The following ATG13 variants were observed in gnomAD, a reference collection of about 807,000 sequenced individuals.
ATG13 encodes autophagy related 13, also known as autophagy-related protein 13.
Under a neutral mutation model 65.5 loss-of-function variants are expected in ATG13, and 23 were observed. The ratio of observed to expected loss-of-function variants is 0.35; its 90% confidence interval spans 0.25 to 0.50. ATG13 has a LOEUF of 0.50. Among genes scored for constraint, ATG13 ranks in the 20% least tolerant of loss-of-function variants. The pLI is 0.98. For missense variants in ATG13, 566 were observed against 677.0 expected, an observed-to-expected ratio of 0.84 and a Z score of 1.82; for synonymous variants, 252 against 245.2, an observed-to-expected ratio of 1.03 and a Z score of -0.26.
intron 7 of ATG13, among the ~76,000 whole-genome samples, chr11:46,655,573 C>CAAACA (rs922849402): frequency 1.2e-4 from 19 of 152,274 alleles, no homozygotes; most frequent in Non-Finnish European, 1.5e-4. Flanking sequence ...GACTCCGTCT[C>CAAACA]AAACAAAACA....
chr11:46,664,403 CA>C (rs1021903481), intron 12 of ATG13, among the ~76,000 whole-genome samples: 3 of 152,118 alleles, frequency 2.0e-5, no homozygotes, highest in Non-Finnish European at 4.4e-5. Flanking sequence ...TTCCCATACC[CA>C]GGGGTGATGG....
At chr11:46,649,291 C>T (rs1411473417) in intron 6 of ATG13, 108 bp downstream of exon 6, 8 of 1,281,252 alleles carry the variant, frequency 6.2e-6, no homozygotes, top group African/African-American at 3.0e-5. Context: ...GCATTCTGAC[C>T]ACTTAACAAA....
intron 7 of ATG13, among the ~76,000 whole-genome samples, 185 bp downstream of exon 7, chr11:46,650,502 A>G (rs2058671393): frequency 6.6e-6 from 1 of 152,210 alleles, no homozygotes; most frequent in South Asian, 2.1e-4. Context: ...CAAAGCCACC[A>G]GGTTTATTAT....
rs937297521 is a variant in ATG13, at chr11:46,627,573, C to T, written c.-69-2472C>T. Among the ~76,000 whole-genome samples the T allele has an allele frequency of 2.6e-5, 4 of 151,822 alleles. No individual in the cohort carries two copies. The East Asian group carries it at 5.9e-4, about 22-fold the overall frequency. On this transcript the variant is annotated intron_variant, in intron 1 of 18. Coordinates refer to ENST00000683050, the MANE Select transcript of ATG13 (RefSeq NM_001346311.2). ...GCGACCTTCGCCTCCTGGGTTCAAGCGATTCTCCTGCCTCAGCCTCCCAAG... is the reference window on the plus strand; with the variant it reads ...GCGACCTTCGCCTCCTGGGTTCAAGTGATTCTCCTGCCTCAGCCTCCCAAG...
chr11:46,659,247 G>T, intron 10 of ATG13, 145 bp from the exon 11 acceptor site: 1 of 597,412 alleles, frequency 1.7e-6, no homozygotes. Context: ...AAATTATTGA[G>T]GACTCCACAT....
intron 7 of ATG13, among the ~76,000 whole-genome samples, chr11:46,654,853 C>G (rs2059692733): frequency 6.6e-6 from 1 of 152,096 alleles, no homozygotes; most frequent in Admixed American, 6.5e-5. Flanking sequence ...AATCCCAGCA[C>G]TTTGGGAGGC....
rs1290700570 is a variant in ATG13, at chr11:46,665,475, C to T, written c.1092C>T (p.Cys364=). Residue 364 remains cysteine, a synonymous_variant, in exon 14 of 19, where the codon TGC becomes TGT. Coordinates refer to ENST00000683050, the MANE Select transcript of ATG13 (RefSeq NM_001346311.2). ...TQADQERLAT[C]TPSDRTHCAA... is the part of the protein sequence containing the mutation. ...CTGACCAGGAGAGACTGGCAACCTG[C>T]ACCCCTTCTGACAGAACCCACTGTG... 6.2e-7 allele frequency: 1 copy of T among 1,614,128 alleles called. No individual in the cohort carries two copies. Among genetic ancestry groups the T allele is most frequent in the African/African-American group, 1.3e-5 (1 of 74,944 alleles).
chr11:46,640,848 A>G (rs185202835), intron 2 of ATG13, among the ~76,000 whole-genome samples: 1 of 152,328 alleles, frequency 6.6e-6, no homozygotes, highest in East Asian at 1.9e-4. Flanking sequence ...GATTTATAGC[A>G]ACTGGAGCAC....
At chr11:46,643,363 A>G (rs2056668364) in intron 2 of ATG13, among the ~76,000 whole-genome samples, 1 of 152,156 alleles carries the variant, frequency 6.6e-6, no homozygotes, top group Non-Finnish European at 1.5e-5. Context: ...TCCCCCAGCT[A>G]TGGCCATCTT....
At chr11:46,656,057 G>A (rs555688513) in intron 7 of ATG13, among the ~76,000 whole-genome samples, 176 bp from the exon 8 acceptor site, 9 of 152,224 alleles carry the variant, frequency 5.9e-5, no homozygotes, top group African/African-American at 1.7e-4. Flanking sequence ...CACTCTGTAC[G>A]TCTCCATGCC....
intron 1 of ATG13, among the ~76,000 whole-genome samples, chr11:46,619,590 G>A (rs2046681477): frequency 2.0e-5 from 3 of 151,616 alleles, no homozygotes; most frequent in Admixed American, 1.3e-4. Context: ...CTCCATGTTA[G>A]TTAGGCTGTT....
At chr11:46,633,700 A>G (rs1212158301) in intron 2 of ATG13, among the ~76,000 whole-genome samples, 2 of 151,862 alleles carry the variant, frequency 1.3e-5, no homozygotes, top group South Asian at 2.1e-4. Context: ...AGTCCCAGCT[A>G]CTCGAGAGGC....
At chr11:46,620,396 G>A (rs549430426) in intron 1 of ATG13, among the ~76,000 whole-genome samples, 2 of 151,772 alleles carry the variant, frequency 1.3e-5, no homozygotes, top group Non-Finnish European at 2.9e-5. Flanking sequence ...CGCCAGGCCT[G>A]GCAATCTCTC....
At chr11:46,657,350 G>A in intron 9 of ATG13, 159 bp downstream of exon 9, 1 of 918,162 alleles carries the variant, frequency 1.1e-6, no homozygotes, top group Non-Finnish European at 1.7e-6. Context: ...GAATTTGAGT[G>A]TCCCAGAGCC....
intron 11 of ATG13, among the ~76,000 whole-genome samples, chr11:46,660,650 C>T (rs1460617295): frequency 9.3e-5 from 14 of 151,218 alleles, no homozygotes; most frequent in Admixed American, 2.0e-4. Context: ...CCTCATGATC[C>T]GCCCGCCTCG....
chr11:46,672,853 C>A lies in ATG13; in HGVS notation c.*521C>A. On this transcript the variant is annotated 3_prime_UTR_variant, in exon 19 of 19. Coordinates refer to ENST00000683050, the MANE Select transcript of ATG13 (RefSeq NM_001346311.2). Reference sequence around the variant, plus strand: ...TGTCCCCTTTACTTCCTGCTATCTTCTTCTCCTCTTCTTCTCTCTCTTGCC... The same window carrying A: ...TGTCCCCTTTACTTCCTGCTATCTTATTCTCCTCTTCTTCTCTCTCTTGCC... 1 of 1,163,148 alleles carries A rather than the reference C, an allele frequency of 8.6e-7. No individual in the cohort carries two copies. The highest frequency in any genetic ancestry group is 1.1e-6 in the Non-Finnish European group (1 of 903,128). The allele number at this position is 1,163,148 out of a possible 1,614,324, so 72.1% of individuals were successfully genotyped here. A position where few individuals can be genotyped will look rare whatever the true frequency, so the allele number is the denominator to read the frequency against.
At chr11:46,636,892 C>G (rs1000029630) in intron 2 of ATG13, among the ~76,000 whole-genome samples, 2 of 152,058 alleles carry the variant, frequency 1.3e-5, no homozygotes, top group African/African-American at 4.8e-5. Flanking sequence ...CACGCCTCAG[C>G]TAATTTTTGT....
chr11:46,627,637 A>AT (rs2050171516), intron 1 of ATG13, among the ~76,000 whole-genome samples: 2 of 151,510 alleles, frequency 1.3e-5, no homozygotes, highest in Admixed American at 1.3e-4. Context: ...TGCCTGGCTA[A>AT]TTTTTTTATT....
At chr11:46,656,713 A>C (rs899748591) in intron 8 of ATG13, among the ~76,000 whole-genome samples, 1 of 152,196 alleles carries the variant, frequency 6.6e-6, no homozygotes, top group Non-Finnish European at 1.5e-5. Flanking sequence ...TTTGTGTGAC[A>C]TTCTAGTGCT....
Sources: gnomAD v4.1 joint callset for allele counts (sites outside exome capture counted in the v4.1 genomes callset) on GRCh38, gnomAD v4.1.1 for gene constraint, MANE v1.5 for transcripts, NCBI Gene and HGNC (gene_info 2026-07-23, HGNC 2026-07-21) for gene names.